Variants in MACF1 observed in about 807,000 individuals in gnomAD.
MACF1 encodes the protein microtubule-actin cross-linking factor 1.
Under a neutral mutation model 854.8 loss-of-function variants are expected in MACF1, and 193 were observed. The ratio of observed to expected loss-of-function variants is 0.23; its 90% CI spans 0.20 to 0.25. MACF1 has a LOEUF of 0.25. MACF1 is among the 10% of genes least tolerant of loss of function. The pLI is 1.00. For synonymous variants in MACF1, 3,185 were observed against 3,226.7 expected (o/e 0.99, Z 0.44); for missense variants, 7,722 against 8,929.1 (o/e 0.86, Z 5.45).
chr1:39,397,560 C>CAA (rs1289604143), intron 58 of MACF1, among the ~76,000 whole-genome samples: 1 of 131,202 alleles, frequency 7.6e-6, no homozygotes, highest in Non-Finnish European at 1.6e-5. Context: ...AACTTCGTTC[C>CAA]AAAAAAAAAA....
chr1:39,224,524 T>C (rs1644690414), intron 1 of MACF1, among the ~76,000 whole-genome samples: 1 of 152,160 alleles, frequency 6.6e-6, no homozygotes, highest in Admixed American at 6.5e-5. Flanking sequence ...GGTTGGCAAT[T>C]AGGTGACTGT....
At chr1:39,394,868 G>C (rs1642210397) in intron 58 of MACF1, among the ~76,000 whole-genome samples, 1 of 152,124 alleles carries the variant, frequency 6.6e-6, no homozygotes, top group Admixed American at 6.6e-5. Flanking sequence ...TGGAGGTTTA[G>C]GTTTCCCCAG....
At chr1:39,477,488 G>C (rs1408216748) in intron 97 of MACF1, among the ~76,000 whole-genome samples, 1 of 152,054 alleles carries the variant, frequency 6.6e-6, no homozygotes, top group African/African-American at 2.4e-5. Flanking sequence ...CTCCCAAAGT[G>C]CTGGGATTAC....
intron 94 of MACF1, chr1:39,464,870 C>T (rs181290054): frequency 5.8e-5 from 28 of 484,744 alleles, no homozygotes; most frequent in African/African-American, 3.6e-4. Flanking sequence ...GCCATGATCG[C>T]GCCACTGCAC....
At chr1:39,288,103 G>A (rs1217200890) in intron 15 of MACF1, among the ~76,000 whole-genome samples, 1 of 152,090 alleles carries the variant, frequency 6.6e-6, no homozygotes, top group Non-Finnish European at 1.5e-5. Flanking sequence ...GGCATGTAAT[G>A]CATAATAATC....
Position 39,204,878 on chromosome 1 carries a change from C to T in MACF1, c.-145C>T. 1.6e-6 allele frequency: 1 copy of T among 611,274 alleles called. No homozygotes were observed. The highest frequency in any genetic ancestry group is 2.7e-5 in the East Asian group (1 of 36,402). 37.9% of individuals were successfully genotyped at this position (611,274 alleles called of 1,614,324 possible). Reference sequence around the variant, plus strand: ...AGTCAGAAGTGAGATGGAGGAGAAGCTGCCAGGAAGTTTCTGACAACACTA... The same window carrying T: ...AGTCAGAAGTGAGATGGAGGAGAAGTTGCCAGGAAGTTTCTGACAACACTA... On this transcript the variant is annotated 5_prime_UTR_variant, in exon 1 of 101. Transcript: ENST00000564288.
At chr1:39,194,331 CTTTTCTTTTCTTTTCTTTTCT>C (rs1316641765) in intron 2 of MACF1, among the ~76,000 whole-genome samples, 9 of 63,210 alleles carry the variant, frequency 1.4e-4, no homozygotes, top group African/African-American at 3.7e-4. Context: ...CTTTTCTTTT[CTTTTCTTTTCTTTTCTTTTCT>C]TTTTTTTTTT....
At chr1:39,484,813 G>A (rs1252197994) in intron 100 of MACF1, 83 bp downstream of exon 100, 11 of 1,543,258 alleles carry the variant, frequency 7.1e-6, no homozygotes, top group Non-Finnish European at 9.9e-6. Context: ...TGCTCCCAAG[G>A]AGCGGGTAAT....
At position 39,448,588 on chromosome 1, in the gene MACF1, A is replaced by G; in HGVS notation, c.20089-6A>G. Reference sequence around the variant, plus strand: ...ACACTTTTTTCTTTTCTTTCTGGAAACATAGGAGTTTCAGAAGACTCTTGG... The same window carrying G: ...ACACTTTTTTCTTTTCTTTCTGGAAGCATAGGAGTTTCAGAAGACTCTTGG... On this transcript the variant is annotated splice_region_variant and splice_polypyrimidine_tract_variant and intron_variant, in intron 83 of 100. Coordinates refer to ENST00000564288, the MANE Select transcript of MACF1 (RefSeq NM_001394062.1). The G allele has an allele frequency of 6.7e-7, 1 of 1,500,104 alleles. No homozygotes were observed. The highest frequency in any genetic ancestry group is 8.9e-7 in the Non-Finnish European group (1 of 1,120,788). The allele number at this position is 1,500,104 out of a possible 1,614,324, so 92.9% of individuals were successfully genotyped here.
chr1:39,248,937 A>G (rs892191974), intron 2 of MACF1, among the ~76,000 whole-genome samples: 1 of 151,836 alleles, frequency 6.6e-6, no homozygotes, highest in Non-Finnish European at 1.5e-5. Flanking sequence ...CACATTGCCC[A>G]GGCTGATCTC....
At chr1:39,246,046 G>C (rs1229036434) in intron 2 of MACF1, among the ~76,000 whole-genome samples, 5 of 152,148 alleles carry the variant, frequency 3.3e-5, no homozygotes, top group Non-Finnish European at 7.4e-5. Context: ...TGATACCGGT[G>C]ATCATTCCTA....
At chr1:39,394,752 A>T (rs1173563741) in intron 58 of MACF1, among the ~76,000 whole-genome samples, 1 of 152,184 alleles carries the variant, frequency 6.6e-6, no homozygotes, top group African/African-American at 2.4e-5. Context: ...CAGTTAGTAC[A>T]CCTGCCTGAG....
intron 95 of MACF1, 77 bp downstream of exon 95, chr1:39,465,189 G>T: frequency 7.1e-7 from 1 of 1,415,942 alleles, no homozygotes; most frequent in South Asian, 1.1e-5. Flanking sequence ...CTTCGCTATG[G>T]GGAGAGGATG....
chr1:39,440,520 T>C (rs1644091108), intron 72 of MACF1, among the ~76,000 whole-genome samples: 1 of 152,180 alleles, frequency 6.6e-6, no homozygotes, highest in South Asian at 2.1e-4. Flanking sequence ...AGCTATTTTT[T>C]CATAGAGAAA....
Position 39,331,172 on chromosome 1 carries a change from C to CT in MACF1, c.4615-3dup, listed in dbSNP as rs71060310. 2.3e-3 allele frequency: 2,930 copies of CT among 1,301,116 alleles called. 18 individuals are homozygous for CT. Among genetic ancestry groups the CT allele is most frequent in the African/African-American group, 0.013 (625 of 48,698 alleles). The allele number at this position is 1,301,116 out of a possible 1,614,324, so 80.6% of individuals were successfully genotyped here. A position where few individuals can be genotyped will look rare whatever the true frequency, so the allele number is the denominator to read the frequency against. On this transcript the variant is annotated intron_variant, in intron 36 of 100. Transcript: ENST00000564288. Reference sequence around the variant, plus strand: ...TCAGTTTTCTTTTTCTTCTCTTTTCCTTTTTTTTTTTTTTTTTTTTTTTTT... The same window carrying CT: ...TCAGTTTTCTTTTTCTTCTCTTTTCCTTTTTTTTTTTTTTTTTTTTTTTTTT...
chr1:39,412,855 C>T lies in MACF1; in HGVS notation c.15817-9519C>T, dbSNP rs753726510. ...GGAGGGTACCTCAATTGCTGCAGTG[C>T]CTGCCCCAGAGGGAACTGCTGTAGT... On this transcript the variant is annotated intron_variant, in intron 58 of 100. Coordinates refer to ENST00000564288, the MANE Select transcript of MACF1 (RefSeq NM_001394062.1). 14 of 1,610,766 alleles carry T rather than the reference C, an allele frequency of 8.7e-6. No individual in the cohort carries two copies. The African/African-American group carries it at 1.3e-4, about 15-fold the overall frequency.
chr1:39,172,846 A>G (rs528503879), intron 2 of MACF1, among the ~76,000 whole-genome samples: 1 of 152,374 alleles, frequency 6.6e-6, no homozygotes, highest in Admixed American at 6.5e-5. Flanking sequence ...GGCATGTCAC[A>G]GATTCTGAGT....
intron 58 of MACF1, among the ~76,000 whole-genome samples, chr1:39,418,257 C>G (rs971728242): frequency 6.6e-6 from 1 of 152,132 alleles, no homozygotes; most frequent in African/African-American, 2.4e-5. Context: ...GTGGGAGACA[C>G]TGTTTCATTT....
At chr1:39,429,744 A>G in intron 64 of MACF1, 83 bp from the exon 65 acceptor site, 1 of 1,304,122 alleles carries the variant, frequency 7.7e-7, no homozygotes, top group South Asian at 1.3e-5. Flanking sequence ...ATGAAATTAA[A>G]GCTCTGATTT....
Sources: allele counts gnomAD v4.1 joint callset (sites outside exome capture counted in the v4.1 genomes callset), GRCh38; gene constraint gnomAD v4.1.1; transcripts MANE v1.5; gene names NCBI Gene and HGNC (gene_info 2026-07-23, HGNC 2026-07-21).